The following RBFOX1 variants were observed in gnomAD, a reference collection of about 807,000 sequenced individuals.
The protein encoded by RBFOX1 is RNA binding fox-1 homolog 1.
A neutral mutation model predicts 57.7 loss-of-function variants in RBFOX1; 8 were observed. The ratio of observed to expected loss-of-function variants is 0.14; its 90% CI spans 0.08 to 0.25. The LOEUF (loss-of-function observed/expected upper bound fraction) is 0.25. Among genes scored for constraint, RBFOX1 ranks in the 10% least tolerant of loss-of-function variants. The pLI is 1.00. For synonymous variants in RBFOX1, 326 were observed against 222.4 expected, an observed-to-expected ratio of 1.47 and a Z score of -4.15; for missense variants, 611 against 548.5, an observed-to-expected ratio of 1.11 and a Z score of -1.14.
chr16:5,728,852 C>T (rs539365728), intron 3 of RBFOX1, among the ~76,000 whole-genome samples: 5 of 152,308 alleles, frequency 3.3e-5, no homozygotes, highest in Admixed American at 1.3e-4. Flanking sequence ...ACCTTTAAGT[C>T]TGCCCATCCA....
At chr16:6,582,947 T>C (rs2097557578) in intron 2 of RBFOX1, among the ~76,000 whole-genome samples, 1 of 151,684 alleles carries the variant, frequency 6.6e-6, no homozygotes, top group Admixed American at 6.6e-5. Context: ...CCCCTCCTCT[T>C]TTCTCCTTTC....
chr16:7,709,633 A>G (rs1382800782), intron 15 of RBFOX1: 42 of 1,531,044 alleles, frequency 2.7e-5, no homozygotes, highest in Non-Finnish European at 3.6e-5. Flanking sequence ...CGCCCAGGAA[A>G]GAAAATAGAG....
chr16:5,998,632 C>G (rs550675179), intron 4 of RBFOX1, among the ~76,000 whole-genome samples: 1 of 152,168 alleles, frequency 6.6e-6, no homozygotes, highest in African/African-American at 2.4e-5. Context: ...AGCCACCTCC[C>G]TCACCCTTTT....
At chr16:7,521,883 A>T (rs2077579518) in intron 5 of RBFOX1, among the ~76,000 whole-genome samples, 1 of 152,188 alleles carries the variant, frequency 6.6e-6, no homozygotes, top group African/African-American at 2.4e-5. Context: ...TCAGCTTCTA[A>T]TGGGAAACCA....
chr16:6,298,459 G>C (rs935493396), intron 1 of RBFOX1, among the ~76,000 whole-genome samples: 1 of 152,192 alleles, frequency 6.6e-6, no homozygotes, highest in African/African-American at 2.4e-5. Flanking sequence ...CAATTTATTT[G>C]ACAAAGTGTG....
At chr16:6,456,229 G>A (rs1314369378) in intron 2 of RBFOX1, among the ~76,000 whole-genome samples, 1 of 152,128 alleles carries the variant, frequency 6.6e-6, no homozygotes, top group Non-Finnish European at 1.5e-5. Context: ...CTGTAAAAGA[G>A]AATTGTGTAT....
intron 1 of RBFOX1, among the ~76,000 whole-genome samples, chr16:6,085,523 G>A (rs928276220): frequency 6.6e-6 from 1 of 152,118 alleles, no homozygotes; most frequent in East Asian, 1.9e-4. Flanking sequence ...TGCCCGCCTC[G>A]GCCTCCCGGT....
intron 4 of RBFOX1, among the ~76,000 whole-genome samples, chr16:7,354,846 C>T (rs567216793): frequency 3.3e-5 from 5 of 152,270 alleles, no homozygotes; most frequent in South Asian, 2.1e-4. Context: ...TGATATAGGA[C>T]ATTCATTTTA....
At chr16:6,899,711 G>T (rs999590745) in intron 3 of RBFOX1, among the ~76,000 whole-genome samples, 1 of 152,186 alleles carries the variant, frequency 6.6e-6, no homozygotes, top group Admixed American at 6.5e-5. Context: ...GCCCATGGAG[G>T]CTTCATGCAT....
rs113767362 is a variant in RBFOX1 at position 6,795,778 on chromosome 16, G to GAA, written c.-16+141140_-16+141141dup. The stretch of plus-strand genomic sequence containing the variant: ...GAAACTCCATCTAAAAATAAAAAAT[G>GAA]AAAAAAAAAAAAAGATAGTCATCGT... On this transcript the variant is annotated intron_variant, in intron 3 of 15. Coordinates refer to ENST00000550418, the MANE Select transcript of RBFOX1 (RefSeq NM_018723.4). 2.3e-3 allele frequency among the ~76,000 whole-genome samples: 304 copies of GAA among 134,566 alleles called. 1 individual carries two copies. Among genetic ancestry groups the GAA allele is most frequent in the African/African-American group, 7.7e-3 (293 of 38,176 alleles). 88.3% of individuals were successfully genotyped at this position (134,566 alleles called of 152,430 possible).
chr16:6,589,435 C>G (rs867281534), intron 2 of RBFOX1, among the ~76,000 whole-genome samples: 1 of 152,170 alleles, frequency 6.6e-6, no homozygotes, highest in East Asian at 1.9e-4. Context: ...GAAGTGCTGA[C>G]TGGTCAGGTT....
intron 1 of RBFOX1, among the ~76,000 whole-genome samples, chr16:5,385,307 A>G (rs1374979479): frequency 6.6e-6 from 1 of 152,194 alleles, no homozygotes; most frequent in East Asian, 1.9e-4. Context: ...TTTCTGCAGG[A>G]CTTCTCAGAG....
chr16:5,860,816 AT>A lies in RBFOX1; in HGVS notation c.319-6486del, dbSNP rs1310087443. Among the ~76,000 whole-genome samples, 3 of 152,280 alleles carry A rather than the reference AT, an allele frequency of 2.0e-5. No individual in the cohort carries two copies. The East Asian group carries it at 5.8e-4, about 29-fold the overall frequency. On this transcript the variant is annotated intron_variant, in intron 3 of 19. Transcript: ENST00000641259. ...CCAAGCTCCAGGGCTCCTCTTGTAG[AT>A]ACTGGGAGGCCAGCAAAAAGAGGCC...
At chr16:6,160,978 T>C (rs958158093) in intron 1 of RBFOX1, among the ~76,000 whole-genome samples, 1 of 152,216 alleles carries the variant, frequency 6.6e-6, no homozygotes, top group Admixed American at 6.5e-5. Flanking sequence ...TATCTCTCCT[T>C]CTTCCTACCG....
At chr16:7,154,685 T>TTGTGTGTGTGTGTGTGTG (rs56742260) in intron 4 of RBFOX1, among the ~76,000 whole-genome samples, 1 of 143,112 alleles carries the variant, frequency 7.0e-6, no homozygotes, top group African/African-American at 2.7e-5. Flanking sequence ...CCCTCTTCCT[T>TTGTGTGTGTGTGTGTGTG]TGTGTGTGTG....
At chr16:6,930,850 A>G (rs191545901) in intron 3 of RBFOX1, among the ~76,000 whole-genome samples, 69 of 152,226 alleles carry the variant, frequency 4.5e-4, no homozygotes, top group Non-Finnish European at 8.2e-4. Flanking sequence ...GTTCTGGATC[A>G]ATCTTAACTG....
At chr16:5,375,407 G>A (rs919469007) in intron 1 of RBFOX1, among the ~76,000 whole-genome samples, 2 of 152,174 alleles carry the variant, frequency 1.3e-5, no homozygotes, top group Admixed American at 1.3e-4. Context: ...TCCAGGGCTT[G>A]TGGGAGGAAA....
chr16:6,575,691 G>T (rs1218435500), intron 2 of RBFOX1, among the ~76,000 whole-genome samples: 1 of 151,876 alleles, frequency 6.6e-6, no homozygotes, highest in Non-Finnish European at 1.5e-5. Context: ...AACACTGTCT[G>T]TACTAAAAGT....
intron 4 of RBFOX1, among the ~76,000 whole-genome samples, chr16:5,878,087 C>T (rs1567660888): frequency 1.3e-5 from 2 of 152,126 alleles, no homozygotes; most frequent in Non-Finnish European, 2.9e-5. Context: ...TGAAAGCAAG[C>T]TTGAAAAATA....
Sources: gnomAD v4.1 joint callset for allele counts (sites outside exome capture counted in the v4.1 genomes callset) on GRCh38, gnomAD v4.1.1 for gene constraint, MANE v1.5 for transcripts, NCBI Gene and HGNC (gene_info 2026-07-23, HGNC 2026-07-21) for gene names.